INSR: variants seen among roughly 807,000 people sequenced by gnomAD.
INSR encodes IR.
A neutral mutation model predicts 142.6 loss-of-function variants in INSR; 67 were observed. That is an observed-to-expected ratio of 0.47 (90% CI 0.39 to 0.58). INSR has a LOEUF of 0.58. Ranked by LOEUF, INSR falls within the 20% of genes least tolerant of loss-of-function variation. The pLI, the probability that INSR is intolerant of heterozygous loss-of-function variation, is 0.00. For synonymous variants in INSR, 756 were observed against 743.1 expected (o/e 1.02, Z -0.28); for missense variants, 1,248 against 1,833.2 (o/e 0.68, Z 5.83).
intron 15 of INSR, among the ~76,000 whole-genome samples, chr19:7,128,356 C>T (rs528312174): frequency 1.5e-4 from 23 of 151,890 alleles, no homozygotes; most frequent in South Asian, 2.1e-4. Context: ...GGATTACAGG[C>T]GCCCACCACC....
chr19:7,194,196 AT>A (rs1408217801), intron 2 of INSR, among the ~76,000 whole-genome samples: 6 of 152,146 alleles, frequency 3.9e-5, no homozygotes, highest in African/African-American at 1.4e-4. Context: ...ATGCAGGAAG[AT>A]CACTTGAGGT....
intron 2 of INSR, among the ~76,000 whole-genome samples, chr19:7,204,304 C>G (rs1317652967): frequency 1.3e-5 from 2 of 152,028 alleles, no homozygotes; most frequent in East Asian, 3.9e-4. Context: ...ATCCACCTGC[C>G]TCGGCCTCCC....
chr19:7,120,148 A>C (rs770915919), intron 20 of INSR, among the ~76,000 whole-genome samples: 61 of 152,340 alleles, frequency 4.0e-4, no homozygotes, highest in Middle Eastern at 3.4e-3. Flanking sequence ...GGAGAGGCGC[A>C]TCAGAAACTC....
rs1229778664 is a variant in INSR, at chr19:7,117,030, G to C, written c.*26C>G. 2 of 1,584,020 alleles carry C rather than the reference G, an allele frequency of 1.3e-6. No individual in the cohort carries two copies. Among genetic ancestry groups the C allele is most frequent in the East Asian group, 2.2e-5 (1 of 44,756 alleles). On this transcript the variant is annotated 3_prime_UTR_variant, in exon 22 of 22. Transcript: ENST00000302850. ...GAGGAAAGCGAAAATGGGAACCCCTGCCCGCCCCCGCCACGGTAGGCACTG... is the reference window on the plus strand; with the variant it reads ...GAGGAAAGCGAAAATGGGAACCCCTCCCCGCCCCCGCCACGGTAGGCACTG...
At chr19:7,229,313 G>GATGA (rs1975890769) in intron 2 of INSR, among the ~76,000 whole-genome samples, 1 of 65,792 alleles carries the variant, frequency 1.5e-5, no homozygotes, top group Non-Finnish European at 3.2e-5. Flanking sequence ...TGGATGGATG[G>GATGA]ATGGATGGAT....
At chr19:7,144,407 T>C (rs897839787) in intron 11 of INSR, among the ~76,000 whole-genome samples, 1 of 152,088 alleles carries the variant, frequency 6.6e-6, no homozygotes, top group Non-Finnish European at 1.5e-5. Context: ...CCTCCTTATT[T>C]ATTTATTTAT....
intron 2 of INSR, among the ~76,000 whole-genome samples, chr19:7,218,908 A>G (rs947691296): frequency 6.6e-6 from 1 of 152,108 alleles, no homozygotes; most frequent in African/African-American, 2.4e-5. Flanking sequence ...AGGGAAAAGC[A>G]TGTAGGTAGA....
At chr19:7,198,795 G>A (rs895737632) in intron 2 of INSR, among the ~76,000 whole-genome samples, 1 of 152,190 alleles carries the variant, frequency 6.6e-6, no homozygotes, top group African/African-American at 2.4e-5. Flanking sequence ...TATTCCGCAT[G>A]CATTTGAAAA....
chr19:7,273,071 T>C (rs1253711732), intron 1 of INSR, among the ~76,000 whole-genome samples: 1 of 152,204 alleles, frequency 6.6e-6, no homozygotes, highest in East Asian at 1.9e-4. Context: ...CTGACTGTGG[T>C]CACAGTTGCA....
chr19:7,228,528 C>T (rs530139021), intron 2 of INSR, among the ~76,000 whole-genome samples: 182 of 152,254 alleles, frequency 1.2e-3, no homozygotes, highest in African/African-American at 3.8e-3. Flanking sequence ...TATTCAGCTG[C>T]GTCACTGAAC....
chr19:7,132,447 G>C, intron 13 of INSR, 130 bp from the exon 14 acceptor site: 2 of 972,694 alleles, frequency 2.1e-6, no homozygotes, highest in Non-Finnish European at 1.6e-6. Context: ...CACAGACTAA[G>C]ACACATAAGC....
chr19:7,276,585 C>T (rs147053701), intron 1 of INSR, among the ~76,000 whole-genome samples: 129 of 152,232 alleles, frequency 8.5e-4, no homozygotes, highest in Non-Finnish European at 1.5e-3. Context: ...GGTGTCAGGC[C>T]ACCACCTATA....
chr19:7,196,004 C>T (rs1190268573), intron 2 of INSR, among the ~76,000 whole-genome samples: 3 of 150,578 alleles, frequency 2.0e-5, no homozygotes, highest in Admixed American at 6.7e-5. Flanking sequence ...GGCACCATCT[C>T]GGCTCACTGC....
intron 2 of INSR, among the ~76,000 whole-genome samples, chr19:7,223,186 GACAA>G (rs1209199429): frequency 4.0e-5 from 6 of 151,894 alleles, no homozygotes; most frequent in African/African-American, 9.7e-5. Flanking sequence ...CTGTCTCAAA[GACAA>G]ACAAACAAAA....
chr19:7,127,634 C>T (rs1434146472), intron 15 of INSR, among the ~76,000 whole-genome samples: 2 of 152,186 alleles, frequency 1.3e-5, no homozygotes, highest in South Asian at 2.1e-4. Flanking sequence ...TGAATTTAGA[C>T]ATCCTGGGAA....
At position 7,197,516 on chromosome 19, in the gene INSR, G is replaced by GGTGT. The variant is rs552352795; in HGVS notation, c.653-12883_653-12880dup. On this transcript the variant is annotated intron_variant, in intron 2 of 21. Coordinates refer to ENST00000302850, the MANE Select transcript of INSR (RefSeq NM_000208.4). ...TGGCAGGTTCCAGAGTGGGAGTGGG[G>GGTGT]GTGTGTGTGTGTGTGTGTGTGTGTG... Among the ~76,000 whole-genome samples the GGTGT allele has an allele frequency of 2.9e-3, 209 of 70,934 alleles. 8 individuals carry two copies. The highest frequency in any genetic ancestry group is 7.8e-3 in the South Asian group (19 of 2,444). 46.5% of individuals were successfully genotyped at this position (70,934 alleles called of 152,430 possible).
chr19:7,192,247 G>A lies in INSR; in HGVS notation c.653-7610C>T, dbSNP rs1644513499. On this transcript the variant is annotated intron_variant, in intron 2 of 21. Transcript: ENST00000302850. This position sits in a 1 kb window ranked among gnomAD's most constrained non-coding sequence, Gnocchi z 4.2. The stretch of plus-strand genomic sequence containing the variant: ...GAAAGAGAAAGAAGGAAGGGAGGGA[G>A]GGAAGAAAAGAAAAGAAAAGAAAAG... Among the ~76,000 whole-genome samples the A allele has an allele frequency of 8.7e-6, 1 of 115,290 alleles. No homozygotes were observed. Among genetic ancestry groups the A allele is most frequent in the Admixed American group, 1.1e-4 (1 of 9,452 alleles). 75.6% of individuals were successfully genotyped at this position (115,290 alleles called of 152,430 possible). A position where few individuals can be genotyped will look rare whatever the true frequency, so the allele number is the denominator to read the frequency against.
Position 7,184,647 on chromosome 19 carries a change from G to A in INSR, c.653-10C>T. The A allele has an allele frequency of 2.7e-6, 4 of 1,485,626 alleles. No homozygotes were observed. The South Asian group carries it at 4.8e-5, about 18-fold the overall frequency. The allele number at this position is 1,485,626 out of a possible 1,614,324, so 92.0% of individuals were successfully genotyped here. A position where few individuals can be genotyped will look rare whatever the true frequency, so the allele number is the denominator to read the frequency against. ...CAGATGGTCGGGCAAACTGGAGAGA[G>A]AGAGAGAGAGAGAGGGAAATAAATA... On this transcript the variant is annotated splice_polypyrimidine_tract_variant and intron_variant, in intron 2 of 21. Coordinates refer to ENST00000302850, the MANE Select transcript of INSR (RefSeq NM_000208.4).
chr19:7,221,940 G>A (rs1175151329), intron 2 of INSR, among the ~76,000 whole-genome samples: 2 of 151,858 alleles, frequency 1.3e-5, no homozygotes, highest in African/African-American at 4.8e-5. Flanking sequence ...TGAAGCAGCT[G>A]GGAAGATCCA....
Sources: gnomAD v4.1 joint callset for allele counts (sites outside exome capture counted in the v4.1 genomes callset) on GRCh38, gnomAD v4.1.1 for gene constraint, Gnocchi (gnomAD v3.1) non-coding constraint, MANE v1.5 for transcripts, NCBI Gene and HGNC (gene_info 2026-07-23, HGNC 2026-07-21) for gene names.